MTCL2: variants seen among roughly 807,000 people sequenced by gnomAD.
MTCL2 encodes the protein microtubule cross-linking factor 2.
At chr20:36,797,491 G>T in the MTCL2 span, 1 of 1,552,816 alleles carries the variant, frequency 6.4e-7, no homozygotes. Flanking sequence ...GGCAGCAGCC[G>T]CCCCACTCAC....
chr20:36,810,717 C>CCTCTCTCCCTCTCTCTCTCT, the MTCL2 span, among the ~76,000 whole-genome samples: 3 of 94,192 alleles, frequency 3.2e-5, no homozygotes, highest in Non-Finnish European at 6.3e-5. Context: ...TCTCTCTCTC[C>CCTCTCTCCCTCTCTCTCTCT]CTCTCTCTCT....
chr20:36,848,000 T>A, the MTCL2 span, among the ~76,000 whole-genome samples: 135,461 of 152,176 alleles, frequency 0.89, 60,786 homozygotes, highest in African/African-American at 0.98. Flanking sequence ...TAAAAAATTT[T>A]AAAAACTTAG....
the MTCL2 span, among the ~76,000 whole-genome samples, chr20:36,807,425 G>A: frequency 6.6e-5 from 10 of 152,154 alleles, no homozygotes; most frequent in African/African-American, 2.2e-4. Flanking sequence ...GGCTAGACTC[G>A]AGGTACCTGA....
At chr20:36,792,477 C>A in the MTCL2 span, among the ~76,000 whole-genome samples, 1 of 151,666 alleles carries the variant, frequency 6.6e-6, no homozygotes, top group African/African-American at 2.4e-5. Flanking sequence ...TGCACTCAAG[C>A]CTGGGGGACA....
chr20:36,777,818 A>G, the MTCL2 span: 1 of 619,732 alleles, frequency 1.6e-6, no homozygotes. Flanking sequence ...ATGAGGAGGA[A>G]GGGCAGCTTC....
the MTCL2 span, among the ~76,000 whole-genome samples, chr20:36,834,120 G>A: frequency 4.0e-5 from 6 of 149,358 alleles, no homozygotes; most frequent in African/African-American, 1.5e-4. Flanking sequence ...CAGCGATCAC[G>A]CTACTGTACT....
chr20:36,808,639 GTTC>G, the MTCL2 span: 9 of 1,612,508 alleles, frequency 5.6e-6, no homozygotes, highest in Admixed American at 1.7e-5. Context: ...GCACCAGCAT[GTTC>G]TTCTCCTGGC....
the MTCL2 span, chr20:36,816,259 ACTC>A: frequency 6.2e-7 from 1 of 1,607,472 alleles, no homozygotes; most frequent in Non-Finnish European, 8.5e-7. Context: ...ATGAGGGCTG[ACTC>A]CTCCTTTGCA....
the MTCL2 span, among the ~76,000 whole-genome samples, chr20:36,841,874 G>GGGGTGGGTGT: frequency 8.1e-5 from 9 of 110,766 alleles, no homozygotes; most frequent in Non-Finnish European, 1.2e-4. Context: ...TGGGGGGTGG[G>GGGGTGGGTGT]GTGTGTGTGT....
chr20:36,830,900 G>C, the MTCL2 span, among the ~76,000 whole-genome samples: 1 of 152,200 alleles, frequency 6.6e-6, no homozygotes, highest in Non-Finnish European at 1.5e-5. Flanking sequence ...GATCGCTGGA[G>C]GTCACAGTGT....
At chr20:36,853,887 G>A in the MTCL2 span, among the ~76,000 whole-genome samples, 7 of 152,190 alleles carry the variant, frequency 4.6e-5, no homozygotes, top group African/African-American at 1.7e-4. Context: ...GTGTCAGGAA[G>A]CGCCTGACAG....
the MTCL2 span, among the ~76,000 whole-genome samples, chr20:36,797,736 C>T: frequency 1.1e-3 from 165 of 152,354 alleles, 1 homozygote; most frequent in African/African-American, 3.8e-3. Context: ...GCGCCCCACT[C>T]TGCCTGGTGG....
chr20:36,794,641 A>T, the MTCL2 span: 2 of 1,613,414 alleles, frequency 1.2e-6, no homozygotes, highest in East Asian at 4.5e-5. This position sits in a 1 kb window ranked among gnomAD's most constrained non-coding sequence, Gnocchi z 5.4. Flanking sequence ...TAGTGGAAAT[A>T]ACACTGAGGG....
At chr20:36,786,579 C>T in the MTCL2 span, 15 of 1,550,794 alleles carry the variant, frequency 9.7e-6, no homozygotes, top group South Asian at 2.4e-5. Context: ...GATGGCAGAG[C>T]GGGACGATCG....
At chr20:36,796,903 A>G in the MTCL2 span, 12 of 1,613,982 alleles carry the variant, frequency 7.4e-6, no homozygotes, top group Non-Finnish European at 9.3e-6. Flanking sequence ...ATTTCCTCCA[A>G]GCTCAACTTC....
the MTCL2 span, among the ~76,000 whole-genome samples, chr20:36,788,831 A>C: frequency 7.5e-6 from 1 of 134,054 alleles, no homozygotes; most frequent in Non-Finnish European, 1.6e-5. Context: ...TTTGAGACAG[A>C]GTTTAGCTCT....
chr20:36,836,111 C>G, the MTCL2 span, among the ~76,000 whole-genome samples: 1 of 121,230 alleles, frequency 8.2e-6, no homozygotes, highest in African/African-American at 3.1e-5. Flanking sequence ...TGATTGGAAT[C>G]TGAATATGCC....
the MTCL2 span, chr20:36,815,816 G>A: frequency 2.5e-6 from 4 of 1,594,278 alleles, no homozygotes; most frequent in Admixed American, 1.8e-5. The surrounding 1 kb of genome is among the most constrained non-coding windows in gnomAD (Gnocchi z 5.3). Context: ...TGGCCAGCTC[G>A]TTCAGCAGCA....
chr20:36,815,705 C>G, the MTCL2 span: 2 of 1,603,536 alleles, frequency 1.2e-6, no homozygotes, highest in Non-Finnish European at 1.7e-6. This position sits in a 1 kb window ranked among gnomAD's most constrained non-coding sequence, Gnocchi z 5.3. Context: ...GCTCGCCGAT[C>G]TGCAGCTTGG....
Sources: gnomAD v4.1 joint callset for allele counts (sites outside exome capture counted in the v4.1 genomes callset) on GRCh38, gnomAD v4.1.1 for gene constraint, Gnocchi (gnomAD v3.1) non-coding constraint, MANE v1.5 for transcripts, NCBI Gene and HGNC (gene_info 2026-07-23, HGNC 2026-07-21) for gene names.